Variants in ARSG observed in about 807,000 individuals in gnomAD.
ARSG encodes ASG.
In ARSG, 37 loss-of-function variants were observed where a neutral mutation model predicts 50.5. The ratio of observed to expected loss-of-function variants is 0.73; its 90% CI spans 0.56 to 0.96. The LOEUF (loss-of-function observed/expected upper bound fraction) is 0.96. ARSG is among the 50% of genes least tolerant of loss of function. The pLI, the probability that ARSG is intolerant of heterozygous loss-of-function variation, is 0.00. For synonymous variants in ARSG, 225 were observed against 254.6 expected, an observed-to-expected ratio of 0.88 and a Z score of 1.11; for missense variants, 629 against 675.3, an observed-to-expected ratio of 0.93 and a Z score of 0.76.
chr17:68,384,952 G>C (rs2080626991), intron 8 of ARSG, 112 bp from the exon 9 acceptor site: 1 of 783,160 alleles, frequency 1.3e-6, no homozygotes, highest in African/African-American at 1.7e-5. Context: ...TCATTCCTTT[G>C]TTGGGGTTAT....
rs144305837 is a variant in ARSG at position 68,345,534 on chromosome 17, C to A, written c.407-1591C>A. Among the ~76,000 whole-genome samples the A allele has an allele frequency of 2.5e-3, 382 of 152,308 alleles. 2 individuals carry two copies. Among genetic ancestry groups the A allele is most frequent in the African/African-American group, 8.5e-3 (352 of 41,556 alleles). On this transcript the variant is annotated intron_variant, in intron 3 of 11. Coordinates refer to ENST00000621439, the MANE Select transcript of ARSG (RefSeq NM_001267727.2). ...CCCTCACCACTCACGACACCTTTTG[C>A]ACATCCTGGGCAGGATATTTAAGCA...
chr17:68,394,551 T>C (rs2081147708), intron 9 of ARSG, among the ~76,000 whole-genome samples: 1 of 152,136 alleles, frequency 6.6e-6, no homozygotes, highest in African/African-American at 2.4e-5. Flanking sequence ...CGAGTATTAC[T>C]TCAGCCCAGG....
chr17:68,385,248 A>G, intron 9 of ARSG, 76 bp downstream of exon 9: 2 of 1,338,108 alleles, frequency 1.5e-6, no homozygotes, highest in East Asian at 2.3e-5. Context: ...GGCTAGATGG[A>G]GGCATGGGTG....
intron 2 of ARSG, among the ~76,000 whole-genome samples, chr17:68,310,067 G>A (rs545253138): frequency 2.0e-5 from 3 of 150,588 alleles, no homozygotes; most frequent in Non-Finnish European, 3.0e-5. Flanking sequence ...TCCATCTCCC[G>A]GGTTCAAGCG....
intron 1 of ARSG, among the ~76,000 whole-genome samples, chr17:68,279,129 C>G (rs1237303838): frequency 1.3e-5 from 2 of 152,016 alleles, no homozygotes; most frequent in Non-Finnish European, 1.5e-5. Flanking sequence ...TAATGCTGAC[C>G]TTGAAGGACT....
At chr17:68,396,833 C>G (rs1465996895) in intron 10 of ARSG, among the ~76,000 whole-genome samples, 1 of 152,178 alleles carries the variant, frequency 6.6e-6, no homozygotes, top group African/African-American at 2.4e-5. Flanking sequence ...TATCTGCCCC[C>G]TAGAGCTGCA....
At chr17:68,373,209 G>A (rs1413825163) in intron 8 of ARSG, among the ~76,000 whole-genome samples, 1 of 148,058 alleles carries the variant, frequency 6.8e-6, no homozygotes, top group African/African-American at 2.5e-5. Flanking sequence ...CACCGTGCCC[G>A]GCCATGATCA....
intron 8 of ARSG, among the ~76,000 whole-genome samples, chr17:68,374,642 A>C (rs996215146): frequency 3.9e-5 from 6 of 152,110 alleles, no homozygotes; most frequent in African/African-American, 1.4e-4. Context: ...GCTTGAGGTC[A>C]GGAGTTCAAG....
intron 3 of ARSG, chr17:68,346,730 T>C: frequency 7.9e-7 from 1 of 1,262,112 alleles, no homozygotes; most frequent in Non-Finnish European, 1.0e-6. Flanking sequence ...TGAGACGATG[T>C]GGGGCGGTGC....
At chr17:68,435,149 G>A in the ARSG span, among the ~76,000 whole-genome samples, 1 of 151,440 alleles carries the variant, frequency 6.6e-6, no homozygotes, top group South Asian at 2.1e-4. Flanking sequence ...GGAGGTTGCA[G>A]TGAGCCGAGA....
chr17:68,303,115 A>T (rs1355349036), intron 1 of ARSG, among the ~76,000 whole-genome samples: 1 of 152,050 alleles, frequency 6.6e-6, no homozygotes, highest in African/African-American at 2.4e-5. Context: ...TGGCTTATAT[A>T]GCTGTATGTT....
chr17:68,442,081 C>A, the ARSG span, among the ~76,000 whole-genome samples: 6 of 152,178 alleles, frequency 3.9e-5, no homozygotes, highest in Non-Finnish European at 7.3e-5. Flanking sequence ...ACTTTTAAAC[C>A]TTATTTTCTC....
At chr17:68,357,515 CT>C (rs1358496052) in intron 6 of ARSG, among the ~76,000 whole-genome samples, 1 of 152,210 alleles carries the variant, frequency 6.6e-6, no homozygotes, top group African/African-American at 2.4e-5. Context: ...GGTGATCCCC[CT>C]ACCTCAAGAC....
chr17:68,420,590 C>T lies in ARSG; in HGVS notation c.*127C>T, dbSNP rs2082710819. On this transcript the variant is annotated 3_prime_UTR_variant, in exon 12 of 12. Coordinates refer to ENST00000621439, the MANE Select transcript of ARSG (RefSeq NM_001267727.2). Reference sequence around the variant, plus strand: ...TCTTGGAGTTTAGTTTTGGAGTTAGCCTTGCATATCCCTTCTGTATCCTGT... The same window carrying T: ...TCTTGGAGTTTAGTTTTGGAGTTAGTCTTGCATATCCCTTCTGTATCCTGT... 2 of 1,093,516 alleles carry T rather than the reference C, an allele frequency of 1.8e-6. No homozygotes were observed. The highest frequency in any genetic ancestry group is 2.7e-6 in the Non-Finnish European group (2 of 751,340). The allele number at this position is 1,093,516 out of a possible 1,614,324, so 67.7% of individuals were successfully genotyped here. A position where few individuals can be genotyped will look rare whatever the true frequency, so the allele number is the denominator to read the frequency against.
chr17:68,322,135 A>C (rs561240055), intron 2 of ARSG, among the ~76,000 whole-genome samples: 1 of 152,334 alleles, frequency 6.6e-6, no homozygotes, highest in South Asian at 2.1e-4. Context: ...CGCTTAAGTG[A>C]TTACATGAAG....
intron 1 of ARSG, among the ~76,000 whole-genome samples, chr17:68,303,127 G>A (rs1302571261): frequency 6.6e-6 from 1 of 152,080 alleles, no homozygotes; most frequent in African/African-American, 2.4e-5. Context: ...CTGTATGTTT[G>A]GAGGTATTGT....
At chr17:68,345,901 AG>A (rs1418141922) in intron 3 of ARSG, among the ~76,000 whole-genome samples, 1 of 152,138 alleles carries the variant, frequency 6.6e-6, no homozygotes. Context: ...TTTGGGACAA[AG>A]TCTTACTCTG....
chr17:68,442,396 C>T, the ARSG span, among the ~76,000 whole-genome samples: 3 of 146,878 alleles, frequency 2.0e-5, no homozygotes, highest in South Asian at 2.1e-4. Context: ...ATCCGGGAGG[C>T]GAAGGTTGCA....
chr17:68,440,964 A>G, the ARSG span: 1 of 152,252 alleles, frequency 6.6e-6, no homozygotes, highest in Non-Finnish European at 1.5e-5. Context: ...GGAAGCATTT[A>G]TACCACTTTT....
Sources: gnomAD v4.1 joint callset for allele counts (sites outside exome capture counted in the v4.1 genomes callset) on GRCh38, gnomAD v4.1.1 for gene constraint, MANE v1.5 for transcripts, NCBI Gene and HGNC (gene_info 2026-07-23, HGNC 2026-07-21) for gene names.